The following ANTXR1 variants were observed in gnomAD, a reference collection of about 807,000 sequenced individuals.
The protein encoded by ANTXR1 is anthrax toxin receptor 1.
A neutral mutation model predicts 78.1 loss-of-function variants in ANTXR1; 19 were observed. The ratio of observed to expected loss-of-function variants is 0.24; its 90% CI spans 0.17 to 0.36. The LOEUF (loss-of-function observed/expected upper bound fraction) is 0.36. ANTXR1 is among the 10% of genes least tolerant of loss of function. ANTXR1 has a pLI of 1.00. For synonymous variants in ANTXR1, 273 were observed against 260.5 expected, an observed-to-expected ratio of 1.05 and a Z score of -0.46; for missense variants, 518 against 718.6, an observed-to-expected ratio of 0.72 and a Z score of 3.19.
chr2:69,234,860 GTTAA>G (rs1448793318), intron 17 of ANTXR1, among the ~76,000 whole-genome samples: 1 of 151,864 alleles, frequency 6.6e-6, no homozygotes, highest in African/African-American at 2.4e-5. Flanking sequence ...GAAAACAGAA[GTTAA>G]TTAATTTGTC....
At chr2:69,132,065 G>T (rs1477035708) in intron 12 of ANTXR1, among the ~76,000 whole-genome samples, 1 of 152,154 alleles carries the variant, frequency 6.6e-6, no homozygotes, top group Non-Finnish European at 1.5e-5. Flanking sequence ...GCAGCACAAG[G>T]TTGGAAGCCA....
At chr2:69,207,416 AT>A (rs1674932668) in intron 17 of ANTXR1, among the ~76,000 whole-genome samples, 1 of 152,178 alleles carries the variant, frequency 6.6e-6, no homozygotes, top group Admixed American at 6.5e-5. Context: ...CAACATTAGA[AT>A]GGGGGATGTG....
Position 69,070,711 on chromosome 2 carries a change from C to CA in ANTXR1, c.362dup (p.His121GlnfsTer2). ...TCTGCCAGGAGGAGACACTTACATG[C>CA]ATGAAGGATTTGAAAGGGTAATTTT... On this transcript the variant is annotated frameshift_variant, in exon 4 of 18. Transcript: ENST00000303714. LOFTEE classifies it high-confidence loss of function. The CA allele has an allele frequency of 6.2e-7, 1 of 1,614,012 alleles. No homozygotes were observed.
chr2:69,183,360 C>G (rs565188534), intron 16 of ANTXR1, among the ~76,000 whole-genome samples: 1 of 151,946 alleles, frequency 6.6e-6, no homozygotes, highest in South Asian at 2.1e-4. Flanking sequence ...AAGTGTAAAC[C>G]GTTGGAGGCA....
chr2:69,062,874 A>G (rs1250776527), intron 3 of ANTXR1, among the ~76,000 whole-genome samples: 1 of 152,186 alleles, frequency 6.6e-6, no homozygotes, highest in African/African-American at 2.4e-5. Context: ...GTGATCAGAA[A>G]TTAAAAAAAG....
chr2:69,087,900 T>G (rs1214742579), intron 8 of ANTXR1, among the ~76,000 whole-genome samples: 1 of 152,192 alleles, frequency 6.6e-6, no homozygotes, highest in Non-Finnish European at 1.5e-5. Flanking sequence ...CAACTGCCAT[T>G]GTGACTTCCT....
chr2:69,144,305 T>A (rs1573929699), intron 12 of ANTXR1, among the ~76,000 whole-genome samples: 1 of 152,072 alleles, frequency 6.6e-6, no homozygotes, highest in Non-Finnish European at 1.5e-5. Context: ...TGGAGCAGAG[T>A]GAAGTGGACA....
In ANTXR1 at chr2:69,182,570, G is replaced by A. The variant is rs370893520; in HGVS notation, c.1263G>A (p.Pro421=). The change falls in exon 16 of 18, where the codon CCG becomes CCA. Residue 421 remains proline, a synonymous_variant. Transcript: ENST00000303714. Reference sequence around the variant, plus strand: ...CAAAGAATGCAAGAGTCAAGATGCCGGAGCAGGAATATGAATTCCCTGAGC... The same window carrying A: ...CAAAGAATGCAAGAGTCAAGATGCCAGAGCAGGAATATGAATTCCCTGAGC... The part of the protein sequence containing the change: ...EKAKNARVKM[P]EQEYEFPEPR... 66 of 1,614,008 alleles carry A rather than the reference G, an allele frequency of 4.1e-5. No individual in the cohort carries two copies. The highest frequency in any genetic ancestry group is 2.5e-4 in the Admixed American group (15 of 59,994).
chr2:69,122,435 T>C lies in ANTXR1; in HGVS notation c.803-582T>C, dbSNP rs1205304601. Among the ~76,000 whole-genome samples the C allele has an allele frequency of 2.0e-5, 3 of 152,350 alleles. No individual in the cohort carries two copies. The East Asian group carries it at 5.8e-4, about 29-fold the overall frequency. On this transcript the variant is annotated intron_variant, in intron 10 of 17. Transcript: ENST00000303714. ...CCTTAGGACCAGTCTAATATTTTCT[T>C]GTTTCCCCTCAGTGATTCCTGCTCT...
At chr2:69,037,590 C>G (rs1669479841) in intron 1 of ANTXR1, among the ~76,000 whole-genome samples, 2 of 152,118 alleles carry the variant, frequency 1.3e-5, no homozygotes, top group African/African-American at 2.4e-5. Flanking sequence ...CTGCCTCAGC[C>G]TCCTGAGTAG....
chr2:69,096,290 G>C lies in ANTXR1; in HGVS notation c.703+5371G>C, dbSNP rs9678929. Among the ~76,000 whole-genome samples, 93 of 18,928 alleles carry C rather than the reference G, an allele frequency of 4.9e-3. 9 individuals are homozygous for C. The highest frequency in any genetic ancestry group is 0.027 in the African/African-American group (72 of 2,676). 12.4% of individuals were successfully genotyped at this position (18,928 alleles called of 152,430 possible). A position where few individuals can be genotyped will look rare whatever the true frequency, so the allele number is the denominator to read the frequency against. ...GAAGGAAGGAAGGAAGGAAGGAAGG[G>C]AGGAAGGGAGGAAGGGAGGAAGGGA... On this transcript the variant is annotated intron_variant, in intron 9 of 17. Coordinates refer to ENST00000303714, the MANE Select transcript of ANTXR1 (RefSeq NM_032208.3).
At chr2:69,159,948 C>T (rs1166314590) in intron 13 of ANTXR1, among the ~76,000 whole-genome samples, 8 of 152,172 alleles carry the variant, frequency 5.3e-5, no homozygotes, top group Admixed American at 3.3e-4. Flanking sequence ...TTCTTCGCAC[C>T]GTTAAGAATA....
At chr2:69,118,962 G>A (rs2104364848) in intron 10 of ANTXR1, among the ~76,000 whole-genome samples, 1 of 152,302 alleles carries the variant, frequency 6.6e-6, no homozygotes, top group African/African-American at 2.4e-5. Flanking sequence ...AGCCTGGGAG[G>A]CTGATACACT....
At chr2:69,069,698 G>C (rs1573837132) in intron 3 of ANTXR1, among the ~76,000 whole-genome samples, 1 of 152,202 alleles carries the variant, frequency 6.6e-6, no homozygotes, top group Non-Finnish European at 1.5e-5. Flanking sequence ...ACTTTCAGTG[G>C]TTATTATGAG....
intron 3 of ANTXR1, among the ~76,000 whole-genome samples, chr2:69,051,445 T>C (rs1669932814): frequency 6.6e-6 from 1 of 152,136 alleles, no homozygotes; most frequent in Admixed American, 6.5e-5. Flanking sequence ...CTATTTTTGA[T>C]TTAAGATGAT....
intron 10 of ANTXR1, among the ~76,000 whole-genome samples, chr2:69,107,806 C>T (rs1671858264): frequency 6.6e-6 from 1 of 151,856 alleles, no homozygotes; most frequent in African/African-American, 2.4e-5. Flanking sequence ...ATTATCTGTT[C>T]CTAATTTTAA....
chr2:69,096,214 T>C (rs889432629), intron 9 of ANTXR1, among the ~76,000 whole-genome samples: 6 of 148,142 alleles, frequency 4.1e-5, no homozygotes, highest in African/African-American at 1.5e-4. Flanking sequence ...GCCGAGATCA[T>C]GTCACTGCAC....
intron 13 of ANTXR1, among the ~76,000 whole-genome samples, chr2:69,155,978 C>T (rs1188715235): frequency 6.6e-6 from 1 of 152,026 alleles, no homozygotes; most frequent in Non-Finnish European, 1.5e-5. Flanking sequence ...TGATAAACAC[C>T]CCAATTCCCG....
intron 9 of ANTXR1, among the ~76,000 whole-genome samples, chr2:69,099,134 C>T (rs1024075911): frequency 6.6e-6 from 1 of 152,200 alleles, no homozygotes; most frequent in Non-Finnish European, 1.5e-5. Flanking sequence ...TCCCTCCAGT[C>T]CTGGCAGCCA....
Sources: gnomAD v4.1 joint callset for allele counts (sites outside exome capture counted in the v4.1 genomes callset) on GRCh38, gnomAD v4.1.1 for gene constraint, MANE v1.5 for transcripts, NCBI Gene and HGNC (gene_info 2026-07-23, HGNC 2026-07-21) for gene names.